The following AMPH variants were observed in gnomAD, a reference collection of about 807,000 sequenced individuals.
The protein encoded by AMPH is amphiphysin (Stiff-Mann syndrome with breast cancer 128kD autoantigen).
A neutral mutation model predicts 99.1 loss-of-function variants in AMPH; 49 were observed. That is an observed-to-expected ratio of 0.49 (90% CI 0.39 to 0.63). The LOEUF is 0.63. AMPH is among the 20% of genes least tolerant of loss of function. AMPH has a pLI of 0.00. For synonymous variants in AMPH, 314 were observed against 317.3 expected, an observed-to-expected ratio of 0.99 and a Z score of 0.11; for missense variants, 759 against 863.4, an observed-to-expected ratio of 0.88 and a Z score of 1.52.
intron 2 of AMPH, among the ~76,000 whole-genome samples, chr7:38,508,441 TG>T (rs1293268527): frequency 6.6e-6 from 1 of 152,170 alleles, no homozygotes; most frequent in African/African-American, 2.4e-5. Flanking sequence ...AAGTAACTTT[TG>T]TTATAAAAAG....
At chr7:38,517,988 G>C (rs1009912073) in intron 2 of AMPH, among the ~76,000 whole-genome samples, 4 of 152,224 alleles carry the variant, frequency 2.6e-5, no homozygotes, top group South Asian at 2.1e-4. Context: ...GATAGGCCTG[G>C]GGCACCCTCC....
At chr7:38,487,328 T>C (rs1368725602) in intron 5 of AMPH, among the ~76,000 whole-genome samples, 1 of 152,084 alleles carries the variant, frequency 6.6e-6, no homozygotes, top group Non-Finnish European at 1.5e-5. Flanking sequence ...AAGAGATATA[T>C]AGACCAATGG....
chr7:38,549,422 A>G (rs990336522), intron 1 of AMPH, among the ~76,000 whole-genome samples: 2 of 152,242 alleles, frequency 1.3e-5, no homozygotes, highest in African/African-American at 4.8e-5. Flanking sequence ...AGAATAGTCA[A>G]AACAATTTTT....
intron 7 of AMPH, among the ~76,000 whole-genome samples, chr7:38,470,334 A>T (rs28567602): frequency 0.041 from 6,311 of 152,152 alleles, 472 homozygotes; most frequent in African/African-American, 0.14. Context: ...CTCATCTCCA[A>T]TGGAGTCTCC....
intron 1 of AMPH, among the ~76,000 whole-genome samples, chr7:38,573,061 G>A (rs765205885): frequency 3.3e-5 from 5 of 152,104 alleles, no homozygotes; most frequent in East Asian, 3.9e-4. Flanking sequence ...TCAAGATTCC[G>A]ATTCATTACA....
At position 38,631,316 on chromosome 7, in the gene AMPH, G is replaced by A; in HGVS notation, c.36C>T (p.Asn12=). ...ADIKTGIFAK[N]VQKRLNRAQE... is the part of the protein sequence containing the mutation. ...GCGCGCGGTTGAGTCGCTTCTGGAC[G>A]TTCTTGGCGAAGATGCCCGTCTTGA... The change falls in exon 1 of 21, where the codon AAC becomes AAT. Residue 12 remains asparagine (N), a synonymous_variant. Coordinates refer to ENST00000356264, the MANE Select transcript of AMPH (RefSeq NM_001635.4). 1 of 1,552,192 alleles carries A rather than the reference G, an allele frequency of 6.4e-7. No homozygotes were observed. The highest frequency in any genetic ancestry group is 1.7e-4 in the Middle Eastern group (1 of 5,878).
intron 7 of AMPH, among the ~76,000 whole-genome samples, chr7:38,474,999 A>C (rs1201081070): frequency 6.6e-6 from 1 of 152,198 alleles, no homozygotes; most frequent in Non-Finnish European, 1.5e-5. Context: ...TCTAATTGAG[A>C]TTTAGGTCTC....
chr7:38,489,410 G>A (rs185824165), intron 5 of AMPH, among the ~76,000 whole-genome samples: 1 of 151,948 alleles, frequency 6.6e-6, no homozygotes, highest in East Asian at 1.9e-4. Flanking sequence ...AAGTTGAGGG[G>A]GGGGGAAGCT....
intron 1 of AMPH, among the ~76,000 whole-genome samples, chr7:38,551,769 G>A (rs570170612): frequency 5.3e-5 from 8 of 152,278 alleles, no homozygotes; most frequent in Admixed American, 1.3e-4. Context: ...AGAAACATCC[G>A]TGGCTGCACA....
intron 1 of AMPH, among the ~76,000 whole-genome samples, chr7:38,556,554 G>A (rs1791370376): frequency 6.6e-6 from 1 of 152,202 alleles, no homozygotes; most frequent in Non-Finnish European, 1.5e-5. Flanking sequence ...TCTTCTTAAA[G>A]GATAACTGGG....
At chr7:38,631,083 A>G (rs1794444082) in intron 1 of AMPH, among the ~76,000 whole-genome samples, 200 bp downstream of exon 1, 2 of 151,600 alleles carry the variant, frequency 1.3e-5, no homozygotes, top group Admixed American at 1.3e-4. Context: ...CGTCCTCCCG[A>G]CCCGCTCCCC....
intron 2 of AMPH, among the ~76,000 whole-genome samples, chr7:38,508,591 T>C (rs1285823290): frequency 1.3e-5 from 2 of 152,174 alleles, no homozygotes; most frequent in Non-Finnish European, 2.9e-5. Flanking sequence ...AACATCTGCA[T>C]GAAAGGTGGA....
chr7:38,439,350 G>A (rs1284232372), intron 11 of AMPH, among the ~76,000 whole-genome samples: 1 of 152,190 alleles, frequency 6.6e-6, no homozygotes, highest in Non-Finnish European at 1.5e-5. Context: ...TTCAAAATAT[G>A]TGGCTGGTTT....
At chr7:38,508,420 C>A (rs1486762521) in intron 2 of AMPH, among the ~76,000 whole-genome samples, 1 of 152,178 alleles carries the variant, frequency 6.6e-6, no homozygotes, top group Non-Finnish European at 1.5e-5. Context: ...GTAGCACTAA[C>A]TTATGTTTAT....
At chr7:38,467,038 C>G (rs1463017878) in intron 7 of AMPH, among the ~76,000 whole-genome samples, 1 of 152,142 alleles carries the variant, frequency 6.6e-6, no homozygotes, top group Non-Finnish European at 1.5e-5. Context: ...AATACATGTG[C>G]ATATACCTAT....
intron 17 of AMPH, among the ~76,000 whole-genome samples, chr7:38,407,085 TG>T (rs1785053266): frequency 3.2e-5 from 1 of 31,026 alleles, no homozygotes; most frequent in Non-Finnish European, 7.0e-5. Flanking sequence ...TATGTGTGTG[TG>T]TGTGTGTGTG....
At chr7:38,572,910 C>T (rs1480533827) in intron 1 of AMPH, among the ~76,000 whole-genome samples, 5 of 152,146 alleles carry the variant, frequency 3.3e-5, no homozygotes, top group South Asian at 2.1e-4. Flanking sequence ...GGCCCAGGAC[C>T]GTGGCCTCCA....
At chr7:38,518,458 C>T (rs552981481) in intron 2 of AMPH, among the ~76,000 whole-genome samples, 2 of 152,306 alleles carry the variant, frequency 1.3e-5, no homozygotes, top group East Asian at 3.9e-4. Flanking sequence ...GGGGGCCCAA[C>T]CCCAGCCACA....
chr7:38,619,491 T>G (rs1279219586), intron 1 of AMPH, among the ~76,000 whole-genome samples: 1 of 152,084 alleles, frequency 6.6e-6, no homozygotes, highest in African/African-American at 2.4e-5. Flanking sequence ...GGATAGAACA[T>G]CTAGATAGAA....
Sources: allele counts gnomAD v4.1 joint callset (sites outside exome capture counted in the v4.1 genomes callset), GRCh38; gene constraint gnomAD v4.1.1; transcripts MANE v1.5; gene names NCBI Gene and HGNC (gene_info 2026-07-23, HGNC 2026-07-21).